ARHGAP45: variants seen among roughly 807,000 people sequenced by gnomAD.
ARHGAP45 encodes Rho GTPase activating protein 45.
ARHGAP45 carries 56 observed loss-of-function variants against 116.1 expected under a neutral mutation model. The observed-to-expected ratio is 0.48, with a 90% confidence interval of 0.39 to 0.60. The LOEUF (loss-of-function observed/expected upper bound fraction) is 0.60. Ranked by LOEUF, ARHGAP45 falls within the 20% of genes least tolerant of loss-of-function variation. The pLI, the probability that ARHGAP45 is intolerant of heterozygous loss-of-function variation, is 0.00. For missense variants in ARHGAP45, 1,622 were observed against 1,601.0 expected (o/e 1.01, Z -0.22); for synonymous variants, 866 against 701.7 (o/e 1.23, Z -3.70).
chr19:1,086,001 G>A lies in ARHGAP45; in HGVS notation c.3406G>A (p.Val1136Met), dbSNP rs369763242. 40 of 1,611,296 alleles carry A rather than the reference G, an allele frequency of 2.5e-5. No homozygotes were observed. The highest frequency in any genetic ancestry group is 4.5e-5 in the East Asian group (2 of 44,856). Reference sequence around the variant, plus strand: ...CTGCAGGGAAAGGCAGCCGGAATTCGTGTGAGCTGGGGTGGGGCTGGGACC... The same window carrying A: ...CTGCAGGGAAAGGCAGCCGGAATTCATGTGAGCTGGGGTGGGGCTGGGACC... ...GSCRERQPEF[V>M] The change falls in exon 23 of 23, where the codon GTG becomes ATG. Residue 1136 changes from valine (V) to methionine (M), a missense_variant. Physicochemically the swap from Val to Met is conservative, Grantham distance 21 (BLOSUM62 1). Coordinates refer to ENST00000313093, the MANE Select transcript of ARHGAP45 (RefSeq NM_012292.5).
At chr19:1,077,675 C>A in intron 10 of ARHGAP45, 182 bp from the exon 11 acceptor site, 1 of 1,458,606 alleles carries the variant, frequency 6.9e-7, no homozygotes, top group Non-Finnish European at 9.1e-7. Context: ...CGTGAGCCAC[C>A]GCGCCCGGCC....
In ARHGAP45 at chr19:1,069,509, A is replaced by C. The variant is rs2043099508; in HGVS notation, c.421+765A>C. Among the ~76,000 whole-genome samples the C allele has an allele frequency of 6.6e-6, 1 of 152,192 alleles. No homozygotes were observed. Among genetic ancestry groups the C allele is most frequent in the African/African-American group, 2.4e-5 (1 of 41,442 alleles). ...GCCCATTTTACAGATGACGAAACTA[A>C]GTCTCTAGTGAGGCCCTGACCCCTG... On this transcript the variant is annotated intron_variant, in intron 2 of 22. Coordinates refer to ENST00000313093, the MANE Select transcript of ARHGAP45 (RefSeq NM_012292.5). The surrounding 1 kb of genome is among the most constrained non-coding windows in gnomAD (Gnocchi z 4.1).
In ARHGAP45 at chr19:1,082,866, C is replaced by T. The variant is rs1232445964; in HGVS notation, c.2544C>T (p.Arg848=). 6 of 1,560,890 alleles carry T rather than the reference C, an allele frequency of 3.8e-6. No individual in the cohort carries two copies. In the South Asian group the frequency reaches 6.0e-5, roughly 16 times the overall value. The change falls in exon 20 of 23, where the codon CGC becomes CGT. Residue 848 remains arginine, a synonymous_variant. Transcript: ENST00000313093. ...RQLPEPLISF[R]LYHELVGLAK... ...TTCCCGAGCCGCTCATCTCCTTCCG[C>T]CTCTACCACGAGCTCGTAGGGCTGG... is the stretch of plus-strand genomic sequence containing the variant.
chr19:1,083,786 G>A (rs1000063154), intron 21 of ARHGAP45, among the ~76,000 whole-genome samples: 4 of 152,198 alleles, frequency 2.6e-5, no homozygotes, highest in Admixed American at 6.5e-5. Context: ...TGCTGCCCAG[G>A]CTGAAGTGCA....
intron 22 of ARHGAP45, among the ~76,000 whole-genome samples, 194 bp from the exon 23 acceptor site, chr19:1,085,466 C>T (rs1324983415): frequency 3.3e-5 from 5 of 149,744 alleles, no homozygotes; most frequent in Non-Finnish European, 7.4e-5. Context: ...TCTCCTCCTC[C>T]CCGCCATGTC....
intron 11 of ARHGAP45, 122 bp from the exon 12 acceptor site, chr19:1,079,581 C>T: frequency 8.1e-7 from 1 of 1,238,106 alleles, no homozygotes; most frequent in Non-Finnish European, 1.1e-6. Context: ...TCAAGCAAGT[C>T]TCCCACTGTG....
Position 1,086,225 on chromosome 19 carries a change from C to A in ARHGAP45, c.*219C>A. 1 of 555,246 alleles carries A rather than the reference C, an allele frequency of 1.8e-6. No homozygotes were observed. The highest frequency in any genetic ancestry group is 3.2e-6 in the Non-Finnish European group (1 of 310,414). The allele number at this position is 555,246 out of a possible 1,614,324, so 34.4% of individuals were successfully genotyped here. A position where few individuals can be genotyped will look rare whatever the true frequency, so the allele number is the denominator to read the frequency against. ...ACTGTGCCCTGTGCTGTCCCCTGCA[C>A]CCCGGCTCAGCTGAGCTGGGGAACA... is the stretch of plus-strand genomic sequence containing the variant. On this transcript the variant is annotated 3_prime_UTR_variant, in exon 23 of 23. Transcript: ENST00000313093.
intron 1 of ARHGAP45, among the ~76,000 whole-genome samples, chr19:1,067,964 G>T (rs1363555049): frequency 5.1e-5 from 6 of 116,932 alleles, no homozygotes; most frequent in South Asian, 3.3e-4. Context: ...TGGGGGGGGG[G>T]TCTACAGAGC....
intron 16 of ARHGAP45, 44 bp from the exon 17 acceptor site, chr19:1,080,848 C>T: frequency 2.5e-6 from 4 of 1,606,878 alleles, no homozygotes; most frequent in Non-Finnish European, 3.4e-6. Context: ...ATGGGCCTGG[C>T]CCTGAGCTGC....
Position 1,068,206 on chromosome 19 carries a change from G to A in ARHGAP45, c.91-208G>A, listed in dbSNP as rs961040420. ...CCCGGCTGTGGTTTGGGCAAGGACC[G>A]TTGTTTGTGAAAGCTCTAGGGAAGA... On this transcript the variant is annotated intron_variant, in intron 1 of 22. Coordinates refer to ENST00000313093, the MANE Select transcript of ARHGAP45 (RefSeq NM_012292.5). This position sits in a 1 kb window ranked among gnomAD's most constrained non-coding sequence, Gnocchi z 7.5. 3 of 554,638 alleles carry A rather than the reference G, an allele frequency of 5.4e-6. No individual in the cohort carries two copies. Among genetic ancestry groups the A allele is most frequent in the African/African-American group, 2.0e-5 (1 of 50,314 alleles). The allele number at this position is 554,638 out of a possible 1,614,324, so 34.4% of individuals were successfully genotyped here. A position where few individuals can be genotyped will look rare whatever the true frequency, so the allele number is the denominator to read the frequency against.
rs376398410 is a variant in ARHGAP45 at position 1,085,638 on chromosome 19, G to A, written c.3065-22G>A. On this transcript the variant is annotated intron_variant, in intron 22 of 22. Coordinates refer to ENST00000313093, the MANE Select transcript of ARHGAP45 (RefSeq NM_012292.5). Reference sequence around the variant, plus strand: ...CCATCTCTCCTGTCTGTCTCCCCCCGCCATCTGTCTCCCTTTCTTAGAATC... The same window carrying A: ...CCATCTCTCCTGTCTGTCTCCCCCCACCATCTGTCTCCCTTTCTTAGAATC... 1.0e-4 allele frequency: 151 copies of A among 1,479,162 alleles called. 1 individual carries two copies. Among genetic ancestry groups the A allele is most frequent in the Admixed American group, 4.3e-4 (20 of 46,460 alleles). The allele number at this position is 1,479,162 out of a possible 1,614,324, so 91.6% of individuals were successfully genotyped here. A position where few individuals can be genotyped will look rare whatever the true frequency, so the allele number is the denominator to read the frequency against.
intron 10 of ARHGAP45, among the ~76,000 whole-genome samples, chr19:1,075,179 T>C (rs1326801489): frequency 6.6e-6 from 1 of 151,564 alleles, no homozygotes; most frequent in South Asian, 2.1e-4. Context: ...GGTCTCCGGG[T>C]TGAGGGAGAC....
chr19:1,081,990 A>G (rs1485397310), intron 19 of ARHGAP45, 29 bp downstream of exon 19: 14 of 1,598,212 alleles, frequency 8.8e-6, no homozygotes, highest in Non-Finnish European at 1.2e-5. Flanking sequence ...GGCCAGGCAG[A>G]GCCTGGAAGG....
At chr19:1,082,088 G>T in intron 19 of ARHGAP45, 127 bp downstream of exon 19, 1 of 977,676 alleles carries the variant, frequency 1.0e-6, no homozygotes, top group South Asian at 1.6e-5. Flanking sequence ...GCGGGGGCCT[G>T]GGGAGGACAG....
Position 1,086,300 on chromosome 19 carries a change from G to A in ARHGAP45, c.*294G>A, listed in dbSNP as rs762438111. 12 of 369,416 alleles carry A rather than the reference G, an allele frequency of 3.2e-5. No individual in the cohort carries two copies. Among genetic ancestry groups the A allele is most frequent in the Non-Finnish European group, 5.0e-5 (10 of 199,274 alleles). The allele number at this position is 369,416 out of a possible 1,614,324, so 22.9% of individuals were successfully genotyped here. A position where few individuals can be genotyped will look rare whatever the true frequency, so the allele number is the denominator to read the frequency against. On this transcript the variant is annotated 3_prime_UTR_variant, in exon 23 of 23. Transcript: ENST00000313093. ...GCCTTGTTGGTGCCCACAGGGCTGT[G>A]TGGATGGAGGAAGCTGTCCCTGCCC...
rs1358853669 is a variant in ARHGAP45 at position 1,084,305 on chromosome 19, T to C, written c.3023T>C (p.Val1008Ala). The C allele has an allele frequency of 9.9e-6, 16 of 1,611,652 alleles. No homozygotes were observed. Among genetic ancestry groups the C allele is most frequent in the Non-Finnish European group, 1.4e-5 (16 of 1,179,134 alleles). ...CCGTACCTGGAGGCGGGCGAGGCGG[T>C]GGTCTACCCGCTGCAGGAGGCGGCG... ...QVPYLEAGEAVVYPLQEAAAD... is the reference protein window; with the variant it reads ...QVPYLEAGEAAVYPLQEAAAD... The change falls in exon 22 of 23, where the codon GTG (valine) becomes GCG (alanine). Residue 1008 changes from valine to alanine, a missense_variant. Val to Ala is a moderately conservative substitution (Grantham distance 64). Transcript: ENST00000313093.
At position 1,067,335 on chromosome 19, in the gene ARHGAP45, C is replaced by T. The variant is rs2043054643; in HGVS notation, c.-71C>T. On this transcript the variant is annotated 5_prime_UTR_variant, in exon 1 of 23. Coordinates refer to ENST00000313093, the MANE Select transcript of ARHGAP45 (RefSeq NM_012292.5). ...GGCCGGCGACAATGTGGTCCCGAAG[C>T]GGCCAGCGCCGGGAGCTGCAGCGCT... 6.8e-7 allele frequency: 1 copy of T among 1,462,304 alleles called. No individual in the cohort carries two copies. Among genetic ancestry groups the T allele is most frequent in the Non-Finnish European group, 9.0e-7 (1 of 1,109,314 alleles). 90.6% of individuals were successfully genotyped at this position (1,462,304 alleles called of 1,614,324 possible). A position where few individuals can be genotyped will look rare whatever the true frequency, so the allele number is the denominator to read the frequency against.
chr19:1,075,029 C>T, intron 10 of ARHGAP45, 150 bp downstream of exon 10: 4 of 488,106 alleles, frequency 8.2e-6, no homozygotes, highest in South Asian at 1.0e-4. Flanking sequence ...GCTGGGCCGC[C>T]CCCCCCAACG....
In ARHGAP45 at chr19:1,071,413, C is replaced by T; in HGVS notation, c.422-1736C>T. The T allele has an allele frequency of 8.9e-7, 1 of 1,121,674 alleles. No homozygotes were observed. Among genetic ancestry groups the T allele is most frequent in the African/African-American group, 1.7e-5 (1 of 59,964 alleles). The allele number at this position is 1,121,674 out of a possible 1,614,324, so 69.5% of individuals were successfully genotyped here. A position where few individuals can be genotyped will look rare whatever the true frequency, so the allele number is the denominator to read the frequency against. ...CCGCCGCGTCCGGGAGCACGTGGCGCTCGGGCCGTTTGCCGCCCGCGGTGG... is the reference window on the plus strand; with the variant it reads ...CCGCCGCGTCCGGGAGCACGTGGCGTTCGGGCCGTTTGCCGCCCGCGGTGG... On this transcript the variant is annotated intron_variant, in intron 2 of 22. Coordinates refer to ENST00000313093, the MANE Select transcript of ARHGAP45 (RefSeq NM_012292.5). This position sits in a 1 kb window ranked among gnomAD's most constrained non-coding sequence, Gnocchi z 4.6.
Sources: gnomAD v4.1 joint callset for allele counts (sites outside exome capture counted in the v4.1 genomes callset) on GRCh38, gnomAD v4.1.1 for gene constraint, Gnocchi (gnomAD v3.1) non-coding constraint, MANE v1.5 for transcripts, NCBI Gene and HGNC (gene_info 2026-07-23, HGNC 2026-07-21) for gene names.